The following DTWD2 variants were observed in gnomAD, a reference collection of about 807,000 sequenced individuals.
DTWD2 encodes tRNA-uridine aminocarboxypropyltransferase 2.
Under a neutral mutation model 31.8 loss-of-function variants are expected in DTWD2, and 39 were observed. The ratio of observed to expected loss-of-function variants is 1.22; its 90% CI spans 0.95 to 1.60. The LOEUF (loss-of-function observed/expected upper bound fraction) is 1.60. DTWD2 is among the 40% of genes most tolerant of loss of function. DTWD2 has a pLI of 0.00. For missense variants in DTWD2, 515 were observed against 381.5 expected (o/e 1.35, Z -2.92); for synonymous variants, 180 against 142.8 (o/e 1.26, Z -1.86).
intron 4 of DTWD2, among the ~76,000 whole-genome samples, chr5:118,925,214 C>T (rs993355089): frequency 4.6e-5 from 7 of 152,160 alleles, no homozygotes; most frequent in African/African-American, 1.7e-4. Flanking sequence ...GTTAAAAATA[C>T]ATAAGCACTA....
intron 4 of DTWD2, among the ~76,000 whole-genome samples, chr5:118,895,285 A>T (rs1753061148): frequency 6.6e-6 from 1 of 152,200 alleles, no homozygotes; most frequent in Admixed American, 6.5e-5. Flanking sequence ...AAAAACACCG[A>T]TGAATACATT....
At chr5:118,901,546 A>G (rs1753210338) in intron 4 of DTWD2, among the ~76,000 whole-genome samples, 4 of 152,194 alleles carry the variant, frequency 2.6e-5, no homozygotes. Context: ...GTTTAAGAAA[A>G]TATCATATAT....
intron 4 of DTWD2, among the ~76,000 whole-genome samples, chr5:118,872,577 C>A (rs1204841214): frequency 1.3e-5 from 2 of 152,182 alleles, no homozygotes; most frequent in South Asian, 2.1e-4. Context: ...TCAAAACACA[C>A]AAAACATTGA....
intron 4 of DTWD2, among the ~76,000 whole-genome samples, chr5:118,892,542 A>G (rs544038506): frequency 5.3e-5 from 8 of 152,188 alleles, no homozygotes; most frequent in African/African-American, 1.7e-4. Context: ...TTGACAAAAA[A>G]CATTCTACAT....
chr5:118,952,290 C>T (rs188421862), intron 1 of DTWD2, among the ~76,000 whole-genome samples: 5 of 152,272 alleles, frequency 3.3e-5, no homozygotes, highest in South Asian at 2.1e-4. Flanking sequence ...AAATGTCACG[C>T]GCGTCCGTGT....
At chr5:118,870,679 A>G (rs1262963325) in intron 4 of DTWD2, among the ~76,000 whole-genome samples, 1 of 152,118 alleles carries the variant, frequency 6.6e-6, no homozygotes, top group Non-Finnish European at 1.5e-5. Context: ...GATGTCTGCT[A>G]ACTGATCAGA....
In DTWD2 at chr5:118,956,382, C is replaced by T. The variant is rs553524680; in HGVS notation, c.219-11733G>A. 3.3e-5 allele frequency among the ~76,000 whole-genome samples: 5 copies of T among 152,252 alleles called. No homozygotes were observed. In the South Asian group the frequency reaches 1.0e-3, roughly 31 times the overall value. On this transcript the variant is annotated intron_variant, in intron 1 of 5. Transcript: ENST00000510708. ...AATTCTGTGAAATAAGCTTTTTCTT[C>T]TTTTCTCATTAAGGATGTAGAAATA...
intron 4 of DTWD2, among the ~76,000 whole-genome samples, chr5:118,850,454 G>A (rs1353910359): frequency 2.4e-5 from 3 of 124,350 alleles, no homozygotes; most frequent in Admixed American, 9.6e-5. Flanking sequence ...CTCCAGACTG[G>A]GTGACAGAGC....
intron 4 of DTWD2, among the ~76,000 whole-genome samples, chr5:118,878,211 C>A (rs1378501398): frequency 6.6e-6 from 1 of 152,144 alleles, no homozygotes; most frequent in African/African-American, 2.4e-5. Flanking sequence ...CAAGGCAATC[C>A]TAAGCAAAAA....
chr5:118,950,061 T>A (rs1378175488), intron 1 of DTWD2, among the ~76,000 whole-genome samples: 1 of 151,606 alleles, frequency 6.6e-6, no homozygotes, highest in African/African-American at 2.4e-5. Context: ...ATACAAAAAA[T>A]TAGCTGGGCA....
At chr5:118,893,031 T>C (rs1753007401) in intron 4 of DTWD2, among the ~76,000 whole-genome samples, 3 of 151,840 alleles carry the variant, frequency 2.0e-5, no homozygotes, top group African/African-American at 2.4e-5. Flanking sequence ...AAAATATATA[T>C]ATATATACGC....
At chr5:118,987,512 T>C (rs191347616) in intron 1 of DTWD2, among the ~76,000 whole-genome samples, 2 of 152,360 alleles carry the variant, frequency 1.3e-5, no homozygotes, top group East Asian at 1.9e-4. Context: ...ATCTCAGAGA[T>C]AGTTCATGAC....
rs1751693774 is a variant in DTWD2, at chr5:118,840,800, T to C, written c.*117A>G. 1 of 1,035,490 alleles carries C rather than the reference T, an allele frequency of 9.7e-7. No individual in the cohort carries two copies. The highest frequency in any genetic ancestry group is 3.5e-5 in the Admixed American group (1 of 28,246). 64.1% of individuals were successfully genotyped at this position (1,035,490 alleles called of 1,614,324 possible). On this transcript the variant is annotated 3_prime_UTR_variant, in exon 6 of 6. Coordinates refer to ENST00000510708, the MANE Select transcript of DTWD2 (RefSeq NM_173666.4). ...TTTACTTCCTTCTTCTGGGTAAGAT[T>C]AGTATGCAATTCTCCTTCTTTAGCA...
chr5:118,863,408 C>T (rs1752311775), intron 4 of DTWD2, among the ~76,000 whole-genome samples: 1 of 152,128 alleles, frequency 6.6e-6, no homozygotes, highest in Non-Finnish European at 1.5e-5. Flanking sequence ...GGCACTAAAC[C>T]ATAGAAGAAA....
chr5:118,887,501 C>T (rs1482347250), intron 4 of DTWD2, among the ~76,000 whole-genome samples: 1 of 152,208 alleles, frequency 6.6e-6, no homozygotes, highest in Non-Finnish European at 1.5e-5. Context: ...GTACACCCAA[C>T]CACATGAGAT....
At position 118,837,510 on chromosome 5, in the gene DTWD2, C is replaced by G. The variant is rs1751600225; in HGVS notation, c.*3407G>C. The G allele has an allele frequency of 6.6e-6, 1 of 152,140 alleles. No individual in the cohort carries two copies. The highest frequency in any genetic ancestry group is 1.5e-5 in the Non-Finnish European group (1 of 67,998). The allele number at this position is 152,140 out of a possible 1,614,324, so 9.4% of individuals were successfully genotyped here. ...CTACAGGCAAGGGTCAACAATTTAG[C>G]TCCCTGAAATTCAGCATCCCTGAAA... On this transcript the variant is annotated 3_prime_UTR_variant, in exon 6 of 6. Coordinates refer to ENST00000510708, the MANE Select transcript of DTWD2 (RefSeq NM_173666.4).
intron 4 of DTWD2, among the ~76,000 whole-genome samples, chr5:118,852,283 A>G (rs112704380): frequency 0.04 from 6,119 of 152,260 alleles, 410 homozygotes; most frequent in African/African-American, 0.14. Context: ...TTTACAATCA[A>G]TTTGTACAGT....
intron 4 of DTWD2, among the ~76,000 whole-genome samples, chr5:118,902,574 GA>G (rs1001551791): frequency 6.6e-6 from 1 of 151,866 alleles, no homozygotes; most frequent in African/African-American, 2.4e-5. Flanking sequence ...TTTATACTTA[GA>G]AAATATATAT....
chr5:118,948,541 G>A (rs552774678), intron 1 of DTWD2, among the ~76,000 whole-genome samples: 53 of 152,230 alleles, frequency 3.5e-4, no homozygotes, highest in African/African-American at 1.3e-3. Flanking sequence ...AATGAAATAT[G>A]GGGAAATGGA....
Sources: allele counts gnomAD v4.1 joint callset (sites outside exome capture counted in the v4.1 genomes callset), GRCh38; gene constraint gnomAD v4.1.1; transcripts MANE v1.5; gene names NCBI Gene and HGNC (gene_info 2026-07-23, HGNC 2026-07-21).